NEDD4L: variants seen among roughly 807,000 people sequenced by gnomAD.
The protein encoded by NEDD4L is E3 ubiquitin-protein ligase NEDD4-like.
In NEDD4L, 54 loss-of-function variants were observed where a neutral mutation model predicts 148.9. The ratio of observed to expected loss-of-function variants is 0.36; its 90% CI spans 0.29 to 0.45. The LOEUF is 0.45. Ranked by LOEUF, NEDD4L falls within the 20% of genes least tolerant of loss-of-function variation. The pLI is 1.00. For missense variants in NEDD4L, 856 were observed against 1,233.8 expected (o/e 0.69, Z 4.59); for synonymous variants, 433 against 440.7 (o/e 0.98, Z 0.22).
intron 5 of NEDD4L, among the ~76,000 whole-genome samples, chr18:58,307,510 G>A (rs986008709): frequency 2.6e-5 from 4 of 152,206 alleles, no homozygotes; most frequent in African/African-American, 9.7e-5. Flanking sequence ...GAGAGTTTAT[G>A]AAAAGTTAGC....
intron 5 of NEDD4L, among the ~76,000 whole-genome samples, chr18:58,275,544 T>C (rs1481708479): frequency 6.6e-6 from 1 of 152,164 alleles, no homozygotes; most frequent in East Asian, 1.9e-4. Context: ...CAGGCCAGGT[T>C]ATATGTCCTG....
chr18:58,378,260 A>T (rs1281858427), intron 24 of NEDD4L, among the ~76,000 whole-genome samples: 1 of 152,252 alleles, frequency 6.6e-6, no homozygotes, highest in East Asian at 1.9e-4. Flanking sequence ...CCACAGGTGT[A>T]CTGTGGATCT....
At chr18:58,189,034 T>TGATC (rs1455799040) in intron 2 of NEDD4L, among the ~76,000 whole-genome samples, 1 of 152,198 alleles carries the variant, frequency 6.6e-6, no homozygotes, top group Non-Finnish European at 1.5e-5. Context: ...GTGGGCTTTG[T>TGATC]GATCCCCTGA....
At chr18:58,151,742 C>T (rs894397288) in intron 1 of NEDD4L, among the ~76,000 whole-genome samples, 2 of 150,908 alleles carry the variant, frequency 1.3e-5, no homozygotes, top group Non-Finnish European at 2.9e-5. Context: ...TGGAAATAAT[C>T]TATGGGGTTA....
chr18:58,106,121 G>A (rs372485953), intron 1 of NEDD4L, among the ~76,000 whole-genome samples: 131 of 152,320 alleles, frequency 8.6e-4, no homozygotes, highest in African/African-American at 3.0e-3. Context: ...CCCCATCTGG[G>A]TAGCAGATGG....
At chr18:58,216,384 C>T (rs2043160480) in intron 2 of NEDD4L, among the ~76,000 whole-genome samples, 1 of 152,032 alleles carries the variant, frequency 6.6e-6, no homozygotes, top group Non-Finnish European at 1.5e-5. Flanking sequence ...GTAAGTCAGC[C>T]TGGAGAGTTG....
At chr18:58,153,999 G>A (rs940681708) in intron 1 of NEDD4L, among the ~76,000 whole-genome samples, 1 of 152,188 alleles carries the variant, frequency 6.6e-6, no homozygotes, top group Non-Finnish European at 1.5e-5. Flanking sequence ...CAAAAACCAA[G>A]TACCAAGTGT....
At chr18:58,096,927 A>T (rs1246783450) in intron 1 of NEDD4L, among the ~76,000 whole-genome samples, 2 of 152,170 alleles carry the variant, frequency 1.3e-5, no homozygotes, top group Non-Finnish European at 2.9e-5. Context: ...CATGTGGAAG[A>T]ATGGCAGGTG....
At chr18:58,297,363 G>C (rs368625625) in intron 5 of NEDD4L, among the ~76,000 whole-genome samples, 1 of 152,210 alleles carries the variant, frequency 6.6e-6, no homozygotes. Context: ...CCCTGCAGCT[G>C]AGTTGAGTGA....
intron 1 of NEDD4L, among the ~76,000 whole-genome samples, chr18:58,074,610 A>G (rs1398014216): frequency 6.6e-6 from 1 of 151,910 alleles, no homozygotes; most frequent in Non-Finnish European, 1.5e-5. Context: ...AATGAAGAAC[A>G]AGGCCATAGA....
At chr18:58,261,259 T>C (rs2049336817) in intron 5 of NEDD4L, among the ~76,000 whole-genome samples, 1 of 152,232 alleles carries the variant, frequency 6.6e-6, no homozygotes, top group Admixed American at 6.5e-5. Flanking sequence ...CTCGTAAGTA[T>C]ATTTACTGTG....
chr18:58,341,698 C>T lies in NEDD4L; in HGVS notation c.1278C>T (p.Ser426=), dbSNP rs1478070385. The T allele has an allele frequency of 5.6e-6, 9 of 1,613,490 alleles. No individual in the cohort carries two copies. Among genetic ancestry groups the T allele is most frequent in the South Asian group, 2.2e-5 (2 of 90,858 alleles). ...PIMQLAEDGA[S]GSATNSNNHL... is the part of the protein sequence containing the mutation. ...AATAGCTTGCAGAAGATGGTGCGTCCGGATCAGCCACAAACAGTAACAACC... is the reference window on the plus strand; with the variant it reads ...AATAGCTTGCAGAAGATGGTGCGTCTGGATCAGCCACAAACAGTAACAACC... The change falls in exon 15 of 31, where the codon TCC becomes TCT. Residue 426 remains serine (S), a synonymous_variant. Coordinates refer to ENST00000400345, the MANE Select transcript of NEDD4L (RefSeq NM_001144967.3).
intron 2 of NEDD4L, among the ~76,000 whole-genome samples, chr18:58,182,100 T>C (rs2038923874): frequency 6.6e-6 from 1 of 152,156 alleles, no homozygotes; most frequent in Non-Finnish European, 1.5e-5. Context: ...GAGTTTTGTT[T>C]TTGATAAAAA....
chr18:58,151,625 ATGTGTGTGTGTGTGTG>A, intron 1 of NEDD4L, among the ~76,000 whole-genome samples: 3 of 141,080 alleles, frequency 2.1e-5, no homozygotes, highest in East Asian at 2.1e-4. Context: ...GTGCCTGGAT[ATGTGTGTGTGTGTGTG>A]TGTGTGTGTG....
intron 6 of NEDD4L, among the ~76,000 whole-genome samples, chr18:58,317,431 G>A (rs182849514): frequency 3.9e-5 from 6 of 152,314 alleles, no homozygotes; most frequent in African/African-American, 1.4e-4. Flanking sequence ...TGATGGGCCA[G>A]CTCTTTTATG....
intron 1 of NEDD4L, among the ~76,000 whole-genome samples, chr18:58,156,293 T>C (rs2035486574): frequency 6.6e-6 from 1 of 152,228 alleles, no homozygotes; most frequent in Non-Finnish European, 1.5e-5. Context: ...CTTCCGCAAA[T>C]GCTATCTAGA....
intron 30 of NEDD4L, among the ~76,000 whole-genome samples, chr18:58,392,316 G>T (rs1191571344): frequency 6.6e-6 from 1 of 152,230 alleles, no homozygotes; most frequent in Admixed American, 6.5e-5. Flanking sequence ...CTGGAAAACG[G>T]TGAGCAGCGT....
chr18:58,217,294 C>T (rs2043250543), intron 2 of NEDD4L, among the ~76,000 whole-genome samples: 2 of 152,260 alleles, frequency 1.3e-5, no homozygotes, highest in South Asian at 2.1e-4. Context: ...ATGTTATCTT[C>T]GTTGTGTTCA....
intron 2 of NEDD4L, among the ~76,000 whole-genome samples, chr18:58,203,872 G>A (rs113749454): frequency 6.6e-6 from 1 of 152,120 alleles, no homozygotes; most frequent in African/African-American, 2.4e-5. Flanking sequence ...GGCATAATTA[G>A]AGAAAGTTTT....
Sources: allele counts gnomAD v4.1 joint callset (sites outside exome capture counted in the v4.1 genomes callset), GRCh38; gene constraint gnomAD v4.1.1; transcripts MANE v1.5; gene names NCBI Gene and HGNC (gene_info 2026-07-23, HGNC 2026-07-21).